The following HS3ST4 variants were observed in gnomAD, a reference collection of about 807,000 sequenced individuals.
HS3ST4 encodes the protein heparan sulfate-glucosamine 3-sulfotransferase 4, also known as heparan sulfate glucosamine 3-O-sulfotransferase 4.
HS3ST4 carries 17 observed loss-of-function variants against 29.2 expected under a neutral mutation model. The observed-to-expected ratio is 0.58, with a 90% CI of 0.40 to 0.87. HS3ST4 has a LOEUF of 0.87. Among genes scored for constraint, HS3ST4 ranks in the 40% least tolerant of loss-of-function variants. The probability of loss-of-function intolerance (pLI) is 0.00; values close to 1 mark genes in which losing one functional copy is unlikely to be tolerated. For synonymous variants in HS3ST4, 314 were observed against 285.7 expected (o/e 1.10, Z -1.00); for missense variants, 627 against 634.5 (o/e 0.99, Z 0.13).
At chr16:26,127,979 C>A (rs1899368013) in intron 1 of HS3ST4, among the ~76,000 whole-genome samples, 1 of 152,152 alleles carries the variant, frequency 6.6e-6, no homozygotes, top group Non-Finnish European at 1.5e-5. Context: ...ATCTTCCAAG[C>A]CGAGCTCCTC....
chr16:25,904,881 T>G (rs1968164748), intron 1 of HS3ST4, among the ~76,000 whole-genome samples: 1 of 152,208 alleles, frequency 6.6e-6, no homozygotes, highest in Non-Finnish European at 1.5e-5. Flanking sequence ...CAGCGCCTGG[T>G]ACAGAGTCAA....
intron 1 of HS3ST4, among the ~76,000 whole-genome samples, chr16:25,930,566 T>A (rs8061416): frequency 0.017 from 2,552 of 152,286 alleles, 95 homozygotes; most frequent in African/African-American, 0.059. Context: ...TCTAAAAAAG[T>A]TCAAGGTGTA....
At chr16:26,123,272 A>G (rs969111310) in intron 1 of HS3ST4, among the ~76,000 whole-genome samples, 41 of 152,306 alleles carry the variant, frequency 2.7e-4, no homozygotes, top group African/African-American at 9.1e-4. Context: ...ACTGAGGATC[A>G]AAGACAAAAA....
At chr16:26,014,321 A>G (rs1220396060) in intron 1 of HS3ST4, among the ~76,000 whole-genome samples, 1 of 152,122 alleles carries the variant, frequency 6.6e-6, no homozygotes, top group Non-Finnish European at 1.5e-5. Flanking sequence ...TATCGTCACC[A>G]TTTTACTTTA....
chr16:26,067,877 T>C lies in HS3ST4; in HGVS notation c.735-67735T>C, dbSNP rs183070553. Among the ~76,000 whole-genome samples the C allele has an allele frequency of 1.6e-3, 249 of 152,318 alleles. 1 individual carries two copies. The highest frequency in any genetic ancestry group is 5.8e-3 in the African/African-American group (240 of 41,566). On this transcript the variant is annotated intron_variant, in intron 1 of 1. Coordinates refer to ENST00000331351, the MANE Select transcript of HS3ST4 (RefSeq NM_006040.3). ...GGGCAGTTCCCCTACACATGGTGTC[T>C]CTTGCTTGCCTGCCACCATGCAAGA...
chr16:25,870,209 CATCCATCCATCCATCTATCCCCTATCT>C (rs1292508817), intron 1 of HS3ST4, among the ~76,000 whole-genome samples: 3 of 151,952 alleles, frequency 2.0e-5, no homozygotes, highest in Non-Finnish European at 2.9e-5. Flanking sequence ...TCCAACCATC[CATCCATCCATCCATCTATCCCCTATCT>C]ATCCATCCAT....
intron 1 of HS3ST4, among the ~76,000 whole-genome samples, chr16:26,118,588 C>T (rs954408517): frequency 6.6e-6 from 1 of 152,130 alleles, no homozygotes. Flanking sequence ...TAATTTTATT[C>T]AATTTTAGTT....
At chr16:26,070,144 A>G (rs932964707) in intron 1 of HS3ST4, among the ~76,000 whole-genome samples, 2 of 152,196 alleles carry the variant, frequency 1.3e-5, no homozygotes, top group South Asian at 4.1e-4. Context: ...TGTCTTCCAC[A>G]ATGGTTGAAC....
chr16:26,043,127 G>A (rs1006189330), intron 1 of HS3ST4, among the ~76,000 whole-genome samples: 8 of 152,208 alleles, frequency 5.3e-5, no homozygotes, highest in African/African-American at 1.4e-4. Context: ...CTACCTGTGC[G>A]TGTAGTAGCT....
chr16:25,985,747 G>A (rs1215806804), intron 1 of HS3ST4, among the ~76,000 whole-genome samples: 1 of 152,030 alleles, frequency 6.6e-6, no homozygotes, highest in Non-Finnish European at 1.5e-5. Flanking sequence ...GGAGTGCAGT[G>A]GTGATAATGG....
chr16:26,034,332 C>A (rs546710371), intron 1 of HS3ST4, among the ~76,000 whole-genome samples: 1 of 152,142 alleles, frequency 6.6e-6, no homozygotes, highest in Non-Finnish European at 1.5e-5. Flanking sequence ...CATCTACCAC[C>A]GAAGCCTGAC....
intron 1 of HS3ST4, among the ~76,000 whole-genome samples, chr16:25,932,993 G>T (rs4393577): frequency 0.57 from 87,366 of 152,034 alleles, 26,308 homozygotes; most frequent in African/African-American, 0.71. Context: ...CAGGTAATCA[G>T]AGCCTTTCTG....
intron 1 of HS3ST4, among the ~76,000 whole-genome samples, chr16:26,074,066 C>G (rs1898631566): frequency 6.6e-6 from 1 of 152,052 alleles, no homozygotes; most frequent in South Asian, 2.1e-4. Flanking sequence ...TTGGTAATCC[C>G]CCTCAGCCTT....
chr16:25,943,944 C>T (rs887615474), intron 1 of HS3ST4, among the ~76,000 whole-genome samples: 14 of 152,198 alleles, frequency 9.2e-5, no homozygotes, highest in African/African-American at 3.1e-4. Flanking sequence ...AACTATAAAT[C>T]GCTTTCAGAT....
rs114349181 is a variant in HS3ST4, at chr16:25,993,291, A to G, written c.735-142321A>G. ...AGGGTTTCTGGGCTGAGAGTATAGT[A>G]GGGGTTGATTTCCAAGGAGAAATGG... On this transcript the variant is annotated intron_variant, in intron 1 of 1. Transcript: ENST00000331351. Among the ~76,000 whole-genome samples, 688 of 152,246 alleles carry G rather than the reference A, an allele frequency of 4.5e-3. 7 individuals are homozygous for G. Among genetic ancestry groups the G allele is most frequent in the African/African-American group, 0.016 (651 of 41,558 alleles).
chr16:25,779,501 A>G (rs920545408), intron 1 of HS3ST4, among the ~76,000 whole-genome samples: 9 of 152,192 alleles, frequency 5.9e-5, no homozygotes, highest in East Asian at 1.9e-4. Flanking sequence ...CAACCAACCA[A>G]TTAGCATTAA....
intron 1 of HS3ST4, among the ~76,000 whole-genome samples, chr16:26,022,340 T>A (rs1969421476): frequency 6.6e-6 from 1 of 152,198 alleles, no homozygotes; most frequent in Non-Finnish European, 1.5e-5. Context: ...AATCTAAATC[T>A]AAAATGTTAG....
chr16:25,933,109 C>G (rs1339362664), intron 1 of HS3ST4, among the ~76,000 whole-genome samples: 1 of 152,150 alleles, frequency 6.6e-6, no homozygotes, highest in Non-Finnish European at 1.5e-5. Flanking sequence ...TTCTCGGTAT[C>G]TGTTTCCTTC....
chr16:25,759,345 G>A (rs367596615), intron 1 of HS3ST4, among the ~76,000 whole-genome samples: 9 of 152,350 alleles, frequency 5.9e-5, no homozygotes, highest in African/African-American at 2.2e-4. Flanking sequence ...AGTAGCTTCT[G>A]TTCATCTTCC....
Sources: gnomAD v4.1 joint callset for allele counts (sites outside exome capture counted in the v4.1 genomes callset) on GRCh38, gnomAD v4.1.1 for gene constraint, MANE v1.5 for transcripts, NCBI Gene and HGNC (gene_info 2026-07-23, HGNC 2026-07-21) for gene names.